The following RABGAP1L variants were observed in gnomAD, a reference collection of about 807,000 sequenced individuals.
RABGAP1L encodes RAB GTPase activating protein 1 like.
RABGAP1L carries 63 observed loss-of-function variants against 137.7 expected under a neutral mutation model. That is an observed-to-expected ratio of 0.46 (90% CI 0.37 to 0.56). RABGAP1L has a LOEUF of 0.56. Ranked by LOEUF, RABGAP1L falls within the 20% of genes least tolerant of loss-of-function variation. RABGAP1L has a pLI of 0.00. For synonymous variants in RABGAP1L, 431 were observed against 433.7 expected (o/e 0.99, Z 0.08); for missense variants, 1,095 against 1,244.0 (o/e 0.88, Z 1.80).
intron 4 of RABGAP1L, among the ~76,000 whole-genome samples, chr1:174,233,230 GTGTA>G (rs1380579792): frequency 6.6e-6 from 1 of 151,552 alleles, no homozygotes; most frequent in Non-Finnish European, 1.5e-5. Flanking sequence ...GCAGATTTGT[GTGTA>G]TGTGTGTAAG....
intron 13 of RABGAP1L, among the ~76,000 whole-genome samples, chr1:174,501,580 G>A (rs1661282940): frequency 2.0e-5 from 3 of 152,148 alleles, no homozygotes; most frequent in African/African-American, 7.2e-5. Context: ...AAGGCATTGT[G>A]AGAAGATTTA....
At chr1:174,316,975 G>A (rs983919279) in intron 11 of RABGAP1L, among the ~76,000 whole-genome samples, 1 of 152,000 alleles carries the variant, frequency 6.6e-6, no homozygotes, top group Non-Finnish European at 1.5e-5. Context: ...ATTCCTTTAA[G>A]GTCCAAGGGC....
intron 13 of RABGAP1L, among the ~76,000 whole-genome samples, chr1:174,617,126 A>T (rs116678206): frequency 0.017 from 2,608 of 152,308 alleles, 66 homozygotes; most frequent in African/African-American, 0.06. Flanking sequence ...CAGTTCTTAG[A>T]ATGGTAATCC....
At chr1:174,603,496 C>T (rs11800589) in intron 13 of RABGAP1L, among the ~76,000 whole-genome samples, 1,890 of 152,202 alleles carry the variant, frequency 0.012, 14 homozygotes, top group Non-Finnish European at 0.018. Context: ...AACTGCCATT[C>T]GGGAACCAGG....
chr1:174,626,812 C>T (rs1214738811), intron 13 of RABGAP1L, among the ~76,000 whole-genome samples: 1 of 152,126 alleles, frequency 6.6e-6, no homozygotes, highest in Non-Finnish European at 1.5e-5. Context: ...TTTTGGCAAA[C>T]ATCAAGGTGA....
intron 18 of RABGAP1L, among the ~76,000 whole-genome samples, chr1:174,776,668 C>T (rs1318872446): frequency 1.3e-5 from 2 of 152,082 alleles, no homozygotes; most frequent in Non-Finnish European, 2.9e-5. Flanking sequence ...TATTTGTTTA[C>T]CTGTTTGCAT....
Position 174,864,287 on chromosome 1 carries a change from C to T in RABGAP1L, c.2340+52327C>T, listed in dbSNP as rs367643810. 7.9e-5 allele frequency among the ~76,000 whole-genome samples: 12 copies of T among 152,256 alleles called. No homozygotes were observed. The East Asian group carries it at 2.1e-3, about 27-fold the overall frequency. ...TGTTTACTTGTCTGAGGTTAAGTCT[C>T]CCCACTATGACATATAAAGCTGTAT... On this transcript the variant is annotated intron_variant, in intron 19 of 25. Transcript: ENST00000681986.
At chr1:174,436,809 G>A (rs920689976) in intron 13 of RABGAP1L, among the ~76,000 whole-genome samples, 1 of 152,126 alleles carries the variant, frequency 6.6e-6, no homozygotes, top group African/African-American at 2.4e-5. Flanking sequence ...CTAATTGGGA[G>A]GCAACCCCCC....
In RABGAP1L at chr1:174,790,200, A is replaced by G. The variant is rs751776; in HGVS notation, c.2212-21632A>G. On this transcript the variant is annotated intron_variant, in intron 18 of 25. Transcript: ENST00000681986. ...ATTCCAGTCTGGGAGACAGAGCAAG[A>G]CTTTGTCTCAAAAAAAAAAAAGAGA... 4.1e-3 allele frequency among the ~76,000 whole-genome samples: 616 copies of G among 151,858 alleles called. 6 individuals carry two copies. The highest frequency in any genetic ancestry group is 0.014 in the African/African-American group (583 of 41,442).
At chr1:174,764,596 G>A (rs968716827) in intron 18 of RABGAP1L, among the ~76,000 whole-genome samples, 1 of 152,094 alleles carries the variant, frequency 6.6e-6, no homozygotes, top group African/African-American at 2.4e-5. Flanking sequence ...CAAAGGGTGA[G>A]GCGCTGTTCT....
At chr1:174,580,021 C>G (rs1572389574) in intron 13 of RABGAP1L, among the ~76,000 whole-genome samples, 1 of 152,186 alleles carries the variant, frequency 6.6e-6, no homozygotes, top group East Asian at 1.9e-4. Context: ...CTCGGCCTCC[C>G]AAAGTGCTGG....
intron 13 of RABGAP1L, among the ~76,000 whole-genome samples, chr1:174,591,656 A>G (rs1174927656): frequency 6.1e-4 from 35 of 57,794 alleles, no homozygotes; most frequent in African/African-American, 3.7e-3. Flanking sequence ...AAGATCAGAT[A>G]GTTGTAGATA....
chr1:174,786,375 C>A (rs759761637), intron 18 of RABGAP1L, among the ~76,000 whole-genome samples: 2 of 152,192 alleles, frequency 1.3e-5, no homozygotes, highest in Non-Finnish European at 2.9e-5. Context: ...CATCAACACC[C>A]ATACTCTGTT....
chr1:174,587,197 C>T (rs1038302653), intron 13 of RABGAP1L, among the ~76,000 whole-genome samples: 9 of 145,212 alleles, frequency 6.2e-5, no homozygotes, highest in East Asian at 4.1e-4. Flanking sequence ...TGAATAATGC[C>T]GCAATAAACA....
At chr1:174,687,726 T>C (rs1053888097) in intron 15 of RABGAP1L, among the ~76,000 whole-genome samples, 2 of 152,216 alleles carry the variant, frequency 1.3e-5, no homozygotes, top group Non-Finnish European at 2.9e-5. Flanking sequence ...TTCTTTTTGC[T>C]GCCAGACATC....
chr1:174,476,944 G>T (rs1007334097), intron 13 of RABGAP1L, among the ~76,000 whole-genome samples: 1 of 152,130 alleles, frequency 6.6e-6, no homozygotes, highest in Non-Finnish European at 1.5e-5. Flanking sequence ...GGCAGAAGAC[G>T]TTCATGTGTT....
At chr1:174,943,093 C>G (rs984596728) in intron 19 of RABGAP1L, among the ~76,000 whole-genome samples, 1 of 152,162 alleles carries the variant, frequency 6.6e-6, no homozygotes, top group Non-Finnish European at 1.5e-5. Context: ...GTGTACCTCT[C>G]GTACTCTTCA....
intron 13 of RABGAP1L, among the ~76,000 whole-genome samples, chr1:174,618,793 T>G (rs1672156503): frequency 6.6e-6 from 1 of 152,150 alleles, no homozygotes; most frequent in Admixed American, 6.5e-5. Flanking sequence ...GGATGGAGAA[T>G]GACTTTGACG....
At chr1:174,307,509 A>G (rs1397462561) in intron 11 of RABGAP1L, among the ~76,000 whole-genome samples, 1 of 151,960 alleles carries the variant, frequency 6.6e-6, no homozygotes, top group Non-Finnish European at 1.5e-5. Flanking sequence ...TTCTATCTCT[A>G]TGGCTTTACC....
Sources: allele counts gnomAD v4.1 joint callset (sites outside exome capture counted in the v4.1 genomes callset), GRCh38; gene constraint gnomAD v4.1.1; transcripts MANE v1.5; gene names NCBI Gene and HGNC (gene_info 2026-07-23, HGNC 2026-07-21).